The following LARP1B variants were observed in gnomAD, a reference collection of about 807,000 sequenced individuals.
LARP1B encodes the protein la-related protein 1B.
A neutral mutation model predicts 114.2 loss-of-function variants in LARP1B; 76 were observed. That is an observed-to-expected ratio of 0.67 (90% CI 0.55 to 0.81). LARP1B has a LOEUF of 0.81. LARP1B is among the 30% of genes least tolerant of loss of function. The pLI is 0.00. For missense variants in LARP1B, 1,014 were observed against 1,075.8 expected (o/e 0.94, Z 0.80); for synonymous variants, 345 against 348.0 (o/e 0.99, Z 0.10).
At chr4:128,109,650 T>C (rs977463053) in intron 9 of LARP1B, among the ~76,000 whole-genome samples, 13 of 152,218 alleles carry the variant, frequency 8.5e-5, no homozygotes, top group Non-Finnish European at 1.6e-4. Flanking sequence ...TGGGTTTTTT[T>C]CTTTTTTTAA....
At chr4:128,190,333 C>A (rs923391201) in intron 15 of LARP1B, among the ~76,000 whole-genome samples, 1 of 152,030 alleles carries the variant, frequency 6.6e-6, no homozygotes, top group Non-Finnish European at 1.5e-5. Context: ...TTTATATGTT[C>A]TTTTATTTTT....
chr4:128,107,177 GA>G lies in LARP1B; in HGVS notation c.856del (p.Met286Ter). 6.2e-7 allele frequency: 1 copy of G among 1,614,096 alleles called. No individual in the cohort carries two copies. Among genetic ancestry groups the G allele is most frequent in the Non-Finnish European group, 8.5e-7 (1 of 1,180,014 alleles). Reference protein sequence around the residue: ...DSTEVEIVDEKMRKKIEPEKW... With the variant: ...DSTEVEIVDEXMRKKIEPEKW... ...GCACAGAAGTAGAAATTGTGGATGA[GA>G]AAATGAGAAAAAAGATAGAACCAGA... On this transcript the variant is annotated frameshift_variant, in exon 9 of 20. Coordinates refer to ENST00000326639, the MANE Select transcript of LARP1B (RefSeq NM_018078.4). LOFTEE classifies it high-confidence loss of function.
intron 7 of LARP1B, among the ~76,000 whole-genome samples, chr4:128,092,618 T>C (rs1201478181): frequency 6.6e-6 from 1 of 152,178 alleles, no homozygotes; most frequent in Non-Finnish European, 1.5e-5. Context: ...CATTTAAAAA[T>C]CATCTGTTTT....
In LARP1B at chr4:128,116,974, C is replaced by T. The variant is rs1786092689; in HGVS notation, c.1161+2232C>T. On this transcript the variant is annotated intron_variant, in intron 10 of 19. Coordinates refer to ENST00000326639, the MANE Select transcript of LARP1B (RefSeq NM_018078.4). ...TCGCCCAGGCTAGAGTGCAGTGGCGCAGTCTTGGCTCACTGCAACCTCTGC... is the reference window on the plus strand; with the variant it reads ...TCGCCCAGGCTAGAGTGCAGTGGCGTAGTCTTGGCTCACTGCAACCTCTGC... Among the ~76,000 whole-genome samples the T allele has an allele frequency of 2.7e-5, 4 of 148,770 alleles. No homozygotes were observed. The South Asian group carries it at 8.6e-4, about 32-fold the overall frequency.
intron 11 of LARP1B, chr4:128,122,792 C>A (rs1295008250): frequency 2.7e-6 from 3 of 1,123,412 alleles, no homozygotes; most frequent in African/African-American, 1.6e-5. Context: ...TAACTTCTTG[C>A]ATTTCATCCC....
At position 128,210,615 on chromosome 4, in the gene LARP1B, T is replaced by A. The variant is rs1758813196; in HGVS notation, c.*562T>A. ...TAGTATCCCTTTGAGACATATAGTT[T>A]AAAGAAAACTTTTTTTAAAACAAAA... On this transcript the variant is annotated 3_prime_UTR_variant, in exon 20 of 20. Transcript: ENST00000326639. 2 of 933,214 alleles carry A rather than the reference T, an allele frequency of 2.1e-6. No individual in the cohort carries two copies. The highest frequency in any genetic ancestry group is 9.9e-5 in the South Asian group (2 of 20,242). The allele number at this position is 933,214 out of a possible 1,614,324, so 57.8% of individuals were successfully genotyped here. A position where few individuals can be genotyped will look rare whatever the true frequency, so the allele number is the denominator to read the frequency against.
chr4:128,083,331 G>A (rs1245656990), intron 5 of LARP1B, among the ~76,000 whole-genome samples: 2 of 152,046 alleles, frequency 1.3e-5, no homozygotes, highest in African/African-American at 4.8e-5. Flanking sequence ...GAGCTGTTGG[G>A]TACACCTCCC....
chr4:128,104,712 C>T (rs1580432980), intron 8 of LARP1B, among the ~76,000 whole-genome samples: 1 of 152,172 alleles, frequency 6.6e-6, no homozygotes, highest in Non-Finnish European at 1.5e-5. Context: ...TCCCAAAGTG[C>T]TGGGATTACA....
At chr4:128,076,924 C>T (rs747642986) in intron 3 of LARP1B, among the ~76,000 whole-genome samples, 100 of 152,030 alleles carry the variant, frequency 6.6e-4, no homozygotes, top group Non-Finnish European at 9.9e-4. Flanking sequence ...GATGGGGTTT[C>T]GTCATGTGCC....
chr4:128,165,354 A>C (rs1241120382), intron 12 of LARP1B, among the ~76,000 whole-genome samples: 2 of 151,968 alleles, frequency 1.3e-5, no homozygotes. Flanking sequence ...AAATAAAGCA[A>C]AAATTTAAAA....
intron 5 of LARP1B, among the ~76,000 whole-genome samples, chr4:128,083,851 C>T (rs1178126105): frequency 1.6e-4 from 24 of 148,774 alleles, no homozygotes; most frequent in East Asian, 8.2e-4. Flanking sequence ...CGGAGACGCT[C>T]CTCACTTCCC....
intron 15 of LARP1B, among the ~76,000 whole-genome samples, chr4:128,193,849 C>T (rs1753103998): frequency 6.6e-6 from 1 of 152,166 alleles, no homozygotes; most frequent in South Asian, 2.1e-4. Context: ...AATTCCTGAC[C>T]TCAGGAGATC....
chr4:128,086,009 C>CT (rs143345158), intron 5 of LARP1B, among the ~76,000 whole-genome samples: 5,795 of 91,238 alleles, frequency 0.064, 348 homozygotes, highest in Non-Finnish European at 0.092. Context: ...TCATGGTATT[C>CT]TTTTTTTTTT....
intron 11 of LARP1B, among the ~76,000 whole-genome samples, chr4:128,133,219 G>C (rs1792127929): frequency 6.6e-6 from 1 of 152,136 alleles, no homozygotes. Context: ...ATGGTTACCA[G>C]GTTTCTTTTG....
At chr4:128,149,013 T>C (rs1356033393) in intron 11 of LARP1B, among the ~76,000 whole-genome samples, 3 of 152,234 alleles carry the variant, frequency 2.0e-5, no homozygotes, top group African/African-American at 4.8e-5. Context: ...AAGGATATGG[T>C]AAAACTATAC....
chr4:128,136,790 A>G (rs919797842), intron 11 of LARP1B, among the ~76,000 whole-genome samples: 4 of 152,124 alleles, frequency 2.6e-5, no homozygotes, highest in East Asian at 1.9e-4. Flanking sequence ...TTTTGTAGAG[A>G]TGAGGTCTCA....
chr4:128,063,779 CA>C (rs967092010), intron 1 of LARP1B, among the ~76,000 whole-genome samples: 12 of 147,582 alleles, frequency 8.1e-5, no homozygotes, highest in South Asian at 6.5e-4. Context: ...AACTCCGTCT[CA>C]AAAAAAAACA....
chr4:128,166,964 CTCTCTCTA>C (rs780114377), intron 12 of LARP1B, among the ~76,000 whole-genome samples: 9,087 of 95,920 alleles, frequency 0.095, 306 homozygotes, highest in East Asian at 0.17. Flanking sequence ...CTCTCTCTCT[CTCTCTCTA>C]TATATATATA....
intron 15 of LARP1B, among the ~76,000 whole-genome samples, chr4:128,194,682 CAAAAAAAAAAAAAAA>C (rs56843140): frequency 8.1e-4 from 21 of 25,908 alleles, no homozygotes; most frequent in African/African-American, 3.7e-3. Flanking sequence ...GACTCTGTCT[CAAAAAAAAAAAAAAA>C]AAAAAAAAAA....
Sources: allele counts gnomAD v4.1 joint callset (sites outside exome capture counted in the v4.1 genomes callset), GRCh38; gene constraint gnomAD v4.1.1; transcripts MANE v1.5; gene names NCBI Gene and HGNC (gene_info 2026-07-23, HGNC 2026-07-21).